The following SNAPC4 variants were observed in gnomAD, a reference collection of about 807,000 sequenced individuals.
SNAPC4 encodes small nuclear RNA activating complex polypeptide 4, also known as snRNA-activating protein complex subunit 4.
In SNAPC4, 127 loss-of-function variants were observed where a neutral mutation model predicts 151.3. That is an observed-to-expected ratio of 0.84 (90% CI 0.73 to 0.97). SNAPC4 has a LOEUF of 0.97. Among genes scored for constraint, SNAPC4 ranks in the 50% least tolerant of loss-of-function variants. The probability of loss-of-function intolerance (pLI) is 0.00; values close to 1 mark genes in which losing one functional copy is unlikely to be tolerated. For synonymous variants in SNAPC4, 1,002 were observed against 824.4 expected (o/e 1.22, Z -3.69); for missense variants, 2,186 against 1,935.0 (o/e 1.13, Z -2.43).
chr9:136,395,561 G>T, intron 4 of SNAPC4, 42 bp downstream of exon 4: 1 of 1,584,516 alleles, frequency 6.3e-7, no homozygotes, highest in Non-Finnish European at 8.6e-7. Context: ...GGGCTCTGGG[G>T]GTGGGGAGGT....
chr9:136,396,890 G>A, intron 3 of SNAPC4, 87 bp downstream of exon 3: 1 of 990,266 alleles, frequency 1.0e-6, no homozygotes, highest in South Asian at 1.3e-5. Context: ...AACCAATATG[G>A]GTTCAAACCA....
chr9:136,397,069 G>C lies in SNAPC4; in HGVS notation c.131-46C>G, dbSNP rs768442873. On this transcript the variant is annotated intron_variant, in intron 2 of 23. Coordinates refer to ENST00000684778, the MANE Select transcript of SNAPC4 (RefSeq NM_003086.4). ...ACCGTGTTGGTAACCAGCGTCTTGG[G>C]CAGGGTGGGGGCGCAGCTCACCACT... 1.2e-5 allele frequency: 18 copies of C among 1,555,612 alleles called. No homozygotes were observed. The African/African-American group carries it at 2.2e-4, about 19-fold the overall frequency.
intron 7 of SNAPC4, 86 bp from the exon 8 acceptor site, chr9:136,392,863 G>T: frequency 1.8e-6 from 2 of 1,095,810 alleles, no homozygotes; most frequent in East Asian, 2.5e-5. Flanking sequence ...GGCAAGGAGT[G>T]TGAGCTCAGC....
chr9:136,376,354 G>C lies in SNAPC4; in HGVS notation c.*2C>G. 6.2e-7 allele frequency: 1 copy of C among 1,612,960 alleles called. No homozygotes were observed. The highest frequency in any genetic ancestry group is 1.3e-5 in the African/African-American group (1 of 75,032). ...CCTCCCCACTCAGGACTCACCTGCT[G>C]CTCACACCAGCCGCCTCCGCTTCCG... On this transcript the variant is annotated 3_prime_UTR_variant, in exon 23 of 24. Coordinates refer to ENST00000684778, the MANE Select transcript of SNAPC4 (RefSeq NM_003086.4).
chr9:136,376,311 T>C, intron 23 of SNAPC4, 38 bp downstream of exon 23: 1 of 1,608,964 alleles, frequency 6.2e-7, no homozygotes. Flanking sequence ...CTCTGTCCCC[T>C]GGGTTGTAGG....
intron 5 of SNAPC4, 146 bp from the exon 6 acceptor site, chr9:136,395,024 C>T: frequency 1.3e-6 from 1 of 793,034 alleles, no homozygotes; most frequent in Non-Finnish European, 2.0e-6. Flanking sequence ...TGCAACCCTG[C>T]CGGCCACTCC....
chr9:136,391,901 C>G, intron 10 of SNAPC4, 41 bp downstream of exon 10: 1 of 1,587,372 alleles, frequency 6.3e-7, no homozygotes, highest in Non-Finnish European at 8.5e-7. Context: ...CCCACACGCC[C>G]TCAGGTCTCC....
intron 21 of SNAPC4, 139 bp from the exon 22 acceptor site, chr9:136,379,438 C>T (rs750939745): frequency 7.5e-5 from 103 of 1,367,980 alleles, no homozygotes; most frequent in Non-Finnish European, 1.0e-4. Flanking sequence ...GCGGCACATC[C>T]TGGGTCTCCC....
In SNAPC4 at chr9:136,383,287, C is replaced by T. The variant is rs1413002095; in HGVS notation, c.1882G>A (p.Val628Met). The change falls in exon 16 of 24, where the codon GTG (valine) becomes ATG (methionine). Residue 628 changes from valine to methionine, a missense_variant. Physicochemically the swap from Val to Met is conservative, Grantham distance 21. Transcript: ENST00000684778. The surrounding 1 kb of genome is among the most constrained non-coding windows in gnomAD (Gnocchi z 4.2). ...AAAPGEETSP[V>M]QVPARAHGPV... ...CCGTGGGCCCTGGCAGGGACCTGCA[C>T]CGGACTCGTCTCCTCTCCAGGAGCC... The T allele has an allele frequency of 6.8e-6, 11 of 1,612,088 alleles. No individual in the cohort carries two copies. The highest frequency in any genetic ancestry group is 9.3e-6 in the Non-Finnish European group (11 of 1,179,720).
At chr9:136,382,455 A>G in intron 16 of SNAPC4, 119 bp from the exon 17 acceptor site, 1 of 848,246 alleles carries the variant, frequency 1.2e-6, no homozygotes, top group East Asian at 2.7e-5. Context: ...GGCTGTGTAC[A>G]GCTCTGCTCT....
chr9:136,386,952 G>A (rs1357027306), intron 13 of SNAPC4, among the ~76,000 whole-genome samples: 6 of 151,794 alleles, frequency 4.0e-5, no homozygotes, highest in South Asian at 2.1e-4. Flanking sequence ...ATGGGGTTTC[G>A]TAGAGACGGG....
In SNAPC4 at chr9:136,395,677, T is replaced by G. The variant is rs761937905; in HGVS notation, c.271A>C (p.Met91Leu). The G allele has an allele frequency of 6.8e-6, 11 of 1,613,270 alleles. No homozygotes were observed. The highest frequency in any genetic ancestry group is 9.3e-6 in the Non-Finnish European group (11 of 1,179,998). Reference sequence around the variant, plus strand: ...TCCTGGATGACCTCCTGGTAGACCATGTTCAGCTGCAGGCAGGTTTCTGGG... The same window carrying G: ...TCCTGGATGACCTCCTGGTAGACCAGGTTCAGCTGCAGGCAGGTTTCTGGG... ...EDPETCLQLN[M>L]VYQEVIQEKL... The change falls in exon 4 of 24, where the codon ATG becomes CTG. Residue 91 changes from methionine to leucine, a missense_variant. Met to Leu is a conservative substitution (Grantham distance 15). Transcript: ENST00000684778.
rs1833790522 is a variant in SNAPC4 at position 136,383,677 on chromosome 9, A to T, written c.1501-9T>A. The T allele has an allele frequency of 1.9e-6, 3 of 1,593,030 alleles. No individual in the cohort carries two copies. The African/African-American group carries it at 4.0e-5, about 21-fold the overall frequency. On this transcript the variant is annotated splice_polypyrimidine_tract_variant and intron_variant, in intron 15 of 23. Transcript: ENST00000684778. This position sits in a 1 kb window ranked among gnomAD's most constrained non-coding sequence, Gnocchi z 4.2. Reference sequence around the variant, plus strand: ...CGGAGACCCTGCTTCTTCTGAGGGGAGGAAAGAGCTACTTAGAGGCCTTGG... The same window carrying T: ...CGGAGACCCTGCTTCTTCTGAGGGGTGGAAAGAGCTACTTAGAGGCCTTGG...
At chr9:136,385,246 C>T (rs548392943) in intron 13 of SNAPC4, among the ~76,000 whole-genome samples, 2 of 152,350 alleles carry the variant, frequency 1.3e-5, no homozygotes, top group African/African-American at 4.8e-5. Context: ...CACCACTTCA[C>T]ACCCGCTAAG....
Position 136,383,364 on chromosome 9 carries a change from T to C in SNAPC4, c.1805A>G (p.Lys602Arg). The change falls in exon 16 of 24, where the codon AAG becomes AGG. Residue 602 changes from lysine to arginine, a missense_variant. Physicochemically the swap from Lys to Arg is conservative, Grantham distance 26. Transcript: ENST00000684778. The surrounding 1 kb of genome is among the most constrained non-coding windows in gnomAD (Gnocchi z 4.2). ...GGPAASLSPP[K>R]GSSASQGGSK... ...GCCGCCCTGGCTGGCACTGGACCCC[T>C]TGGGAGGGCTGAGGGAGGCAGCGGG... 2 of 1,605,014 alleles carry C rather than the reference T, an allele frequency of 1.2e-6. No individual in the cohort carries two copies. The highest frequency in any genetic ancestry group is 1.1e-5 in the South Asian group (1 of 90,108).
intron 3 of SNAPC4, among the ~76,000 whole-genome samples, chr9:136,396,099 T>C (rs906394730): frequency 3.9e-5 from 6 of 152,350 alleles, no homozygotes; most frequent in Admixed American, 2.6e-4. Context: ...CCCTGAACTC[T>C]GTCCTGAGCC....
intron 10 of SNAPC4, among the ~76,000 whole-genome samples, chr9:136,391,318 CTA>C (rs1834066160): frequency 6.6e-6 from 1 of 152,194 alleles, no homozygotes; most frequent in Non-Finnish European, 1.5e-5. Context: ...CATCTCGCCC[CTA>C]GTTCATGTTC....
intron 5 of SNAPC4, 125 bp from the exon 6 acceptor site, chr9:136,395,003 G>C: frequency 1.1e-6 from 1 of 896,494 alleles, no homozygotes; most frequent in Non-Finnish European, 1.7e-6. Context: ...CGTACTGTGA[G>C]GCTGTGGGGG....
chr9:136,379,079 C>T lies in SNAPC4; in HGVS notation c.2748G>A (p.Val916=). 1.3e-6 allele frequency: 2 copies of T among 1,571,110 alleles called. No individual in the cohort carries two copies. Among genetic ancestry groups the T allele is most frequent in the Non-Finnish European group, 1.7e-6 (2 of 1,158,958 alleles). The change falls in exon 22 of 24, where the codon GTG becomes GTA. Residue 916 remains valine, a synonymous_variant. Coordinates refer to ENST00000684778, the MANE Select transcript of SNAPC4 (RefSeq NM_003086.4). ...AGGAGACCAGCAGCTGGGACGGGAGCACCACCGGGCCCCGGGTGGCCTCCC... is the reference window on the plus strand; with the variant it reads ...AGGAGACCAGCAGCTGGGACGGGAGTACCACCGGGCCCCGGGTGGCCTCCC... ...RAREATRGPV[V]LPSQLLVSSS... is the part of the protein sequence containing the mutation.
Sources: allele counts gnomAD v4.1 joint callset (sites outside exome capture counted in the v4.1 genomes callset), GRCh38; gene constraint gnomAD v4.1.1; non-coding constraint Gnocchi (gnomAD v3.1); transcripts MANE v1.5; gene names NCBI Gene and HGNC (gene_info 2026-07-23, HGNC 2026-07-21).